The following ANXA6 variants were observed in gnomAD, a reference collection of about 807,000 sequenced individuals.
The protein encoded by ANXA6 is annexin A6.
In ANXA6, 71 loss-of-function variants were observed where a neutral mutation model predicts 95.4. The observed-to-expected ratio is 0.74, with a 90% CI of 0.61 to 0.91. The LOEUF is 0.91. Among genes scored for constraint, ANXA6 ranks in the 40% least tolerant of loss-of-function variants. The pLI is 0.00. For missense variants in ANXA6, 830 were observed against 876.4 expected, an observed-to-expected ratio of 0.95 and a Z score of 0.67; for synonymous variants, 289 against 315.9, an observed-to-expected ratio of 0.91 and a Z score of 0.90.
At chr5:151,120,987 T>C (rs968411328) in intron 17 of ANXA6, among the ~76,000 whole-genome samples, 2 of 151,750 alleles carry the variant, frequency 1.3e-5, no homozygotes, top group African/African-American at 4.8e-5. Context: ...AAGGATTCAG[T>C]TGGGTTACCT....
intron 23 of ANXA6, 80 bp downstream of exon 23, chr5:151,108,375 G>T: frequency 1.5e-6 from 2 of 1,311,826 alleles, no homozygotes; most frequent in Non-Finnish European, 2.2e-6. Context: ...AGCTTCGGAG[G>T]CTGCCAAGGT....
rs1017940861 is a variant in ANXA6 at position 151,139,344 on chromosome 5, T to C, written c.204+9A>G. On this transcript the variant is annotated intron_variant, in intron 4 of 25. Transcript: ENST00000354546. ...CGCACCCCATGGGCCCTCCGGTTGC[T>C]GTGGTTACCTTGCCGTAGAGGGACT... is the stretch of plus-strand genomic sequence containing the variant. 4.4e-6 allele frequency: 7 copies of C among 1,601,078 alleles called. No individual in the cohort carries two copies. The highest frequency in any genetic ancestry group is 4.0e-5 in the African/African-American group (3 of 74,650).
rs1391236330 is a variant in ANXA6, at chr5:151,100,774, C to T, written c.*674G>A. On this transcript the variant is annotated 3_prime_UTR_variant, in exon 26 of 26. Coordinates refer to ENST00000354546, the MANE Select transcript of ANXA6 (RefSeq NM_001155.5). ...AATAAAAAGTGTCAAGGGAATGAATCGGAGGCATACTTTAGGAAGTTAATG... is the reference window on the plus strand; with the variant it reads ...AATAAAAAGTGTCAAGGGAATGAATTGGAGGCATACTTTAGGAAGTTAATG... The T allele has an allele frequency of 1.2e-5, 5 of 428,342 alleles. No homozygotes were observed. Among genetic ancestry groups the T allele is most frequent in the African/African-American group, 2.0e-5 (1 of 48,818 alleles). 26.5% of individuals were successfully genotyped at this position (428,342 alleles called of 1,614,324 possible). A position where few individuals can be genotyped will look rare whatever the true frequency, so the allele number is the denominator to read the frequency against.
rs1765097847 is a variant in ANXA6, at chr5:151,119,370, C to T, written c.1368G>A (p.Lys456=). The stretch of plus-strand genomic sequence containing the variant: ...GAGTGGCCAGGATTTCAATAAGAGC[C>T]TTTTCATCTGTGCCGGCTCCCTGGA... ...KAMEGAGTDE[K]ALIEILATRT... Residue 456 remains lysine, a synonymous_variant, in exon 18 of 26, where the codon AAG becomes AAA. Coordinates refer to ENST00000354546, the MANE Select transcript of ANXA6 (RefSeq NM_001155.5). 6.2e-7 allele frequency: 1 copy of T among 1,613,748 alleles called. No homozygotes were observed. Among genetic ancestry groups the T allele is most frequent in the African/African-American group, 1.3e-5 (1 of 74,932 alleles).
intron 20 of ANXA6, among the ~76,000 whole-genome samples, chr5:151,114,754 A>G (rs1764949528): frequency 6.6e-6 from 1 of 152,066 alleles, no homozygotes. Context: ...TGAAAGGGGA[A>G]GCAATTAACA....
chr5:151,102,863 C>A (rs1764586486), intron 25 of ANXA6, among the ~76,000 whole-genome samples: 1 of 152,046 alleles, frequency 6.6e-6, no homozygotes, highest in Non-Finnish European at 1.5e-5. Context: ...TATGAGAGAG[C>A]TTAGTGGGAT....
chr5:151,155,006 C>G (rs1380759254), intron 1 of ANXA6: 1 of 151,752 alleles, frequency 6.6e-6, no homozygotes, highest in Non-Finnish European at 1.5e-5. Flanking sequence ...GCACCTCCCT[C>G]ATAGGAGTTA....
intron 20 of ANXA6, among the ~76,000 whole-genome samples, chr5:151,116,787 G>A (rs1765011429): frequency 6.6e-6 from 1 of 152,156 alleles, no homozygotes; most frequent in Non-Finnish European, 1.5e-5. Flanking sequence ...CTCTCTAGGG[G>A]TCAATTCTAC....
intron 18 of ANXA6, among the ~76,000 whole-genome samples, chr5:151,118,326 T>C (rs908200874): frequency 3.3e-5 from 5 of 151,640 alleles, no homozygotes; most frequent in Non-Finnish European, 5.9e-5. Flanking sequence ...GTTGGCATGA[T>C]CAAGGCTCAC....
chr5:151,132,442 C>T (rs988783587), intron 10 of ANXA6, 34 bp downstream of exon 10: 1 of 1,542,238 alleles, frequency 6.5e-7, no homozygotes, highest in African/African-American at 1.4e-5. Flanking sequence ...CCAGAATCCC[C>T]TAAAGCCCCC....
chr5:151,121,690 G>A (rs1462446288), intron 17 of ANXA6, among the ~76,000 whole-genome samples: 3 of 152,146 alleles, frequency 2.0e-5, no homozygotes, highest in South Asian at 2.1e-4. Flanking sequence ...GCTTTCGTTC[G>A]AGACCCACCC....
chr5:151,151,950 G>C (rs1310983073), intron 1 of ANXA6, among the ~76,000 whole-genome samples: 1 of 152,220 alleles, frequency 6.6e-6, no homozygotes, highest in African/African-American at 2.4e-5. Context: ...AATGGCCTGG[G>C]TGGCTTTGTG....
intron 2 of ANXA6, 52 bp downstream of exon 2, chr5:151,147,832 C>T: frequency 1.3e-6 from 2 of 1,569,892 alleles, no homozygotes; most frequent in South Asian, 1.2e-5. Flanking sequence ...CCAGGAGGAT[C>T]CCAGGCCCAG....
At chr5:151,103,768 C>A (rs1764614918) in intron 24 of ANXA6, 76 bp from the exon 25 acceptor site, 1 of 1,486,082 alleles carries the variant, frequency 6.7e-7, no homozygotes, top group South Asian at 1.3e-5. Context: ...CAGTGGTATC[C>A]CATCTGCCTT....
chr5:151,107,148 C>A (rs1048145179), intron 23 of ANXA6, among the ~76,000 whole-genome samples: 1 of 152,210 alleles, frequency 6.6e-6, no homozygotes, highest in African/African-American at 2.4e-5. Context: ...ACTAAACCTG[C>A]GTGCAACTAA....
intron 3 of ANXA6, 145 bp from the exon 4 acceptor site, chr5:151,139,592 C>T: frequency 1.5e-6 from 1 of 674,710 alleles, no homozygotes; most frequent in South Asian, 1.6e-5. Context: ...GGTGTCAGGG[C>T]AGAGGGTCAT....
intron 2 of ANXA6, among the ~76,000 whole-genome samples, chr5:151,146,964 G>T (rs116443777): frequency 2.6e-5 from 4 of 152,188 alleles, no homozygotes; most frequent in Non-Finnish European, 5.9e-5. Flanking sequence ...CTAGAGACAG[G>T]GTTCTGCCAT....
At chr5:151,144,855 G>A (rs1336014906) in intron 2 of ANXA6, among the ~76,000 whole-genome samples, 1 of 152,010 alleles carries the variant, frequency 6.6e-6, no homozygotes, top group Non-Finnish European at 1.5e-5. Flanking sequence ...CAGGATCATA[G>A]CCACTAGAAG....
rs551534078 is a variant in ANXA6 at position 151,143,640 on chromosome 5, G to A, written c.19-3397C>T. ...GACAGTGTGGCAGATACGATGCTAAGGGCAGCATGGGACCCAGGAAATATT... is the reference window on the plus strand; with the variant it reads ...GACAGTGTGGCAGATACGATGCTAAAGGCAGCATGGGACCCAGGAAATATT... On this transcript the variant is annotated intron_variant, in intron 2 of 25. Transcript: ENST00000354546. Among the ~76,000 whole-genome samples, 11 of 152,226 alleles carry A rather than the reference G, an allele frequency of 7.2e-5. 1 individual carries two copies. In the South Asian group the frequency reaches 1.7e-3, roughly 23 times the overall value.
Sources: gnomAD v4.1 joint callset for allele counts (sites outside exome capture counted in the v4.1 genomes callset) on GRCh38, gnomAD v4.1.1 for gene constraint, MANE v1.5 for transcripts, NCBI Gene and HGNC (gene_info 2026-07-23, HGNC 2026-07-21) for gene names.